The following CEP85 variants were observed in gnomAD, a reference collection of about 807,000 sequenced individuals.
CEP85 encodes the protein centrosomal protein of 85 kDa.
A neutral mutation model predicts 93.7 loss-of-function variants in CEP85; 58 were observed. That is an observed-to-expected ratio of 0.62 (90% CI 0.50 to 0.77). CEP85 has a LOEUF of 0.77. Among genes scored for constraint, CEP85 ranks in the 30% least tolerant of loss-of-function variants. The pLI is 0.00. For missense variants in CEP85, 868 were observed against 922.0 expected (o/e 0.94, Z 0.76); for synonymous variants, 314 against 338.6 (o/e 0.93, Z 0.80).
intron 10 of CEP85, chr1:26,271,343 T>C: frequency 2.3e-6 from 1 of 428,686 alleles, no homozygotes; most frequent in Non-Finnish European, 4.3e-6. Context: ...AGGGGTGATA[T>C]GCCTCTGAAT....
In CEP85 at chr1:26,268,653, G is replaced by GCT; in HGVS notation, c.1494+19_1494+20insTC. Reference sequence around the variant, plus strand: ...GCCAGCAGGTAGCAGCAATGTCTTGGCATGCCTGGGGTGATCAGGGAGTGG... The same window carrying GCT: ...GCCAGCAGGTAGCAGCAATGTCTTGGCTCATGCCTGGGGTGATCAGGGAGTGG... On this transcript the variant is annotated intron_variant, in intron 8 of 13. Coordinates refer to ENST00000451429, the MANE Select transcript of CEP85 (RefSeq NM_001319944.2). 1.2e-6 allele frequency: 2 copies of GCT among 1,600,356 alleles called. No homozygotes were observed. The highest frequency in any genetic ancestry group is 1.7e-6 in the Non-Finnish European group (2 of 1,173,284).
chr1:26,253,077 C>T (rs2089643690), intron 3 of CEP85, among the ~76,000 whole-genome samples: 1 of 152,116 alleles, frequency 6.6e-6, no homozygotes, highest in Non-Finnish European at 1.5e-5. Context: ...CAATTGACAT[C>T]TTTTATAAGG....
rs374298579 is a variant in CEP85 at position 26,242,420 on chromosome 1, C to T, written c.56-1746C>T. 1.1e-4 allele frequency among the ~76,000 whole-genome samples: 16 copies of T among 152,268 alleles called. No individual in the cohort carries two copies. The East Asian group carries it at 2.7e-3, about 26-fold the overall frequency. ...GCTAATCTCATGCCGCTCAGAAACT[C>T]GGATTGTTGCCTGTGTCTTCTATAA... On this transcript the variant is annotated intron_variant, in intron 2 of 13. Transcript: ENST00000451429.
At position 26,278,524 on chromosome 1, in the gene CEP85, A is replaced by T. The variant is rs1002753433; in HGVS notation, c.*1231A>T. On this transcript the variant is annotated 3_prime_UTR_variant, in exon 14 of 14. Transcript: ENST00000451429. ...TGGACCTCATGCCTGGGCCTGAATG[A>T]GGCTCTTTCTTAAGTGTTTTTACAA... The T allele has an allele frequency of 6.6e-6, 1 of 152,632 alleles. No homozygotes were observed. Among genetic ancestry groups the T allele is most frequent in the Non-Finnish European group, 1.5e-5 (1 of 68,056 alleles). The allele number at this position is 152,632 out of a possible 1,614,324, so 9.5% of individuals were successfully genotyped here. A position where few individuals can be genotyped will look rare whatever the true frequency, so the allele number is the denominator to read the frequency against.
chr1:26,246,242 A>G (rs953773319), intron 3 of CEP85, among the ~76,000 whole-genome samples: 9 of 152,158 alleles, frequency 5.9e-5, no homozygotes, highest in African/African-American at 2.2e-4. Flanking sequence ...TTCTACTCTT[A>G]GATATATACC....
intron 2 of CEP85, among the ~76,000 whole-genome samples, chr1:26,241,014 ATAAG>A (rs1365560490): frequency 6.6e-6 from 1 of 152,186 alleles, no homozygotes; most frequent in African/African-American, 2.4e-5. Context: ...TATATTTCAA[ATAAG>A]TAATATTTTA....
At chr1:26,253,559 T>C (rs765832827) in intron 3 of CEP85, among the ~76,000 whole-genome samples, 1 of 151,812 alleles carries the variant, frequency 6.6e-6, no homozygotes, top group African/African-American at 2.4e-5. Flanking sequence ...CTGGCTAATA[T>C]TTTGTATTTT....
chr1:26,275,587 C>T (rs1215463939), intron 12 of CEP85, among the ~76,000 whole-genome samples: 1 of 152,134 alleles, frequency 6.6e-6, no homozygotes, highest in African/African-American at 2.4e-5. Context: ...CCCAGGAATG[C>T]TTTTTGATGG....
intron 3 of CEP85, among the ~76,000 whole-genome samples, chr1:26,244,740 C>T (rs868242149): frequency 6.6e-6 from 1 of 152,068 alleles, no homozygotes; most frequent in African/African-American, 2.4e-5. Context: ...CCAGGCTGGT[C>T]TGGACTCCCA....
rs139357523 is a variant in CEP85, at chr1:26,261,426, C to T, written c.1341+1624C>T. On this transcript the variant is annotated intron_variant, in intron 7 of 13. Coordinates refer to ENST00000451429, the MANE Select transcript of CEP85 (RefSeq NM_001319944.2). ...GGCGGAAGTTGCAATGAGGCAAGAT[C>T]GCTCCATTGCACCCCAGCCTAGGCA... Among the ~76,000 whole-genome samples the T allele has an allele frequency of 6.3e-3, 963 of 151,976 alleles. 10 individuals carry two copies. Among genetic ancestry groups the T allele is most frequent in the African/African-American group, 0.02 (848 of 41,468 alleles).
chr1:26,250,469 C>T (rs1166871994), intron 3 of CEP85, among the ~76,000 whole-genome samples: 2 of 152,212 alleles, frequency 1.3e-5, no homozygotes, highest in African/African-American at 2.4e-5. Context: ...TTCCACAAAA[C>T]GATTCCCTGG....
chr1:26,239,810 T>C lies in CEP85; in HGVS notation c.27T>C (p.Thr9=), dbSNP rs1458563809. 6 of 1,613,914 alleles carry C rather than the reference T, an allele frequency of 3.7e-6. No homozygotes were observed. Among genetic ancestry groups the C allele is most frequent in the Non-Finnish European group, 4.2e-6 (5 of 1,179,776 alleles). MAMQEKYP[T]EGISHVTSPS... ...TGGCCATGCAGGAGAAATATCCAACTGAGGGGATCTCTCACGTCACTTCAC... is the reference window on the plus strand; with the variant it reads ...TGGCCATGCAGGAGAAATATCCAACCGAGGGGATCTCTCACGTCACTTCAC... The change falls in exon 2 of 14, where the codon ACT becomes ACC. Residue 9 remains threonine, a synonymous_variant. Transcript: ENST00000451429.
At position 26,237,363 on chromosome 1, in the gene CEP85, A is replaced by G. The variant is rs1033632310; in HGVS notation, c.-22-2399A>G. ...CGGTATCCATTAGCAGTCCCTTCCT[A>G]TTCTCCTACCCTCCCTCCTCTCAGT... On this transcript the variant is annotated intron_variant, in intron 1 of 13. Coordinates refer to ENST00000451429, the MANE Select transcript of CEP85 (RefSeq NM_001319944.2). 2.0e-5 allele frequency among the ~76,000 whole-genome samples: 3 copies of G among 152,118 alleles called. No individual in the cohort carries two copies. In the East Asian group the frequency reaches 5.8e-4, roughly 29 times the overall value.
chr1:26,242,058 G>A (rs951766499), intron 2 of CEP85, among the ~76,000 whole-genome samples: 7 of 150,162 alleles, frequency 4.7e-5, no homozygotes, highest in Non-Finnish European at 7.4e-5. Flanking sequence ...CACTGCACCC[G>A]GCCAACTTCA....
Position 26,258,273 on chromosome 1 carries a change from C to T in CEP85, c.1155+13C>T, listed in dbSNP as rs533865439. ...GCTGAGGCTACAGGTAAGTATTGGC[C>T]ATCAGGATGGCATTCTGTTTGTCAT... On this transcript the variant is annotated intron_variant, in intron 6 of 13. Transcript: ENST00000451429. 36 of 1,537,662 alleles carry T rather than the reference C, an allele frequency of 2.3e-5. No homozygotes were observed. In the African/African-American group the frequency reaches 4.5e-4, roughly 19 times the overall value.
chr1:26,251,343 C>G (rs1009585552), intron 3 of CEP85, among the ~76,000 whole-genome samples: 6 of 151,460 alleles, frequency 4.0e-5, no homozygotes, highest in African/African-American at 1.5e-4. Flanking sequence ...CGTCTGCCTC[C>G]CGGTTTCAGG....
chr1:26,275,144 T>G, intron 12 of CEP85, 73 bp downstream of exon 12: 4 of 1,113,534 alleles, frequency 3.6e-6, no homozygotes, highest in Non-Finnish European at 4.0e-6. Context: ...TCCCCATCTC[T>G]ACCCCAATAA....
intron 1 of CEP85, among the ~76,000 whole-genome samples, chr1:26,239,314 A>G (rs535748446): frequency 6.6e-6 from 1 of 152,304 alleles, no homozygotes; most frequent in South Asian, 2.1e-4. Flanking sequence ...TTTACTCCTA[A>G]ATATCCTTAG....
chr1:26,262,334 G>A (rs899501774), intron 7 of CEP85, among the ~76,000 whole-genome samples: 2 of 151,762 alleles, frequency 1.3e-5, no homozygotes, highest in Non-Finnish European at 2.9e-5. Context: ...AAAAATTAGC[G>A]GGGTATGGTG....
Sources: gnomAD v4.1 joint callset for allele counts (sites outside exome capture counted in the v4.1 genomes callset) on GRCh38, gnomAD v4.1.1 for gene constraint, MANE v1.5 for transcripts, NCBI Gene and HGNC (gene_info 2026-07-23, HGNC 2026-07-21) for gene names.